ZFR2: variants seen among roughly 807,000 people sequenced by gnomAD.
The protein encoded by ZFR2 is zinc finger RNA-binding protein 2.
Under a neutral mutation model 105.7 loss-of-function variants are expected in ZFR2, and 104 were observed. That is an observed-to-expected ratio of 0.98 (90% CI 0.84 to 1.16). ZFR2 has a LOEUF of 1.16. Among genes scored for constraint, ZFR2 ranks in the 50% most tolerant of loss-of-function variants. The probability of loss-of-function intolerance (pLI) is 0.00; values close to 1 mark genes in which losing one functional copy is unlikely to be tolerated. For missense variants in ZFR2, 1,425 were observed against 1,355.5 expected (o/e 1.05, Z -0.80); for synonymous variants, 634 against 597.7 (o/e 1.06, Z -0.89).
At chr19:3,826,325 T>C (rs6510771) in intron 6 of ZFR2, among the ~76,000 whole-genome samples, 125,015 of 151,960 alleles carry the variant, frequency 0.82, 52,053 homozygotes, top group East Asian at 0.98. Flanking sequence ...GCCAGGCCTC[T>C]CAGGGTGGCT....
intron 16 of ZFR2, 89 bp from the exon 17 acceptor site, chr19:3,809,072 GC>G: frequency 2.1e-6 from 2 of 951,144 alleles, no homozygotes; most frequent in Non-Finnish European, 2.9e-6. Flanking sequence ...GGGACAGGAG[GC>G]CCCCCTCAGC....
At chr19:3,821,604 C>CTTTTTTTTTTTTTTTTTT in intron 9 of ZFR2, 125 bp from the exon 10 acceptor site, 1 of 228,858 alleles carries the variant, frequency 4.4e-6, no homozygotes, top group Non-Finnish European at 6.5e-6. Context: ...CTCCCAAAGC[C>CTTTTTTTTTTTTTTTTTT]TTTTTTTTTT....
In ZFR2 at chr19:3,821,377, G is replaced by A. The variant is rs750372666; in HGVS notation, c.1594C>T (p.Arg532Trp). 1.7e-5 allele frequency: 28 copies of A among 1,608,430 alleles called. 1 individual carries two copies. Among genetic ancestry groups the A allele is most frequent in the African/African-American group, 1.5e-4 (11 of 74,766 alleles). ...MRKQRHLAEERLEQLRRWHAE... is the reference protein window; with the variant it reads ...MRKQRHLAEEWLEQLRRWHAE... ...TGCCAGCGCCGCAGCTGCTCCAGCC[G>A]CTCCTCCGCCAGGTGCCGCTGCTTC... The change falls in exon 10 of 19, where the codon CGG becomes TGG. Residue 532 changes from arginine (R) to tryptophan (W), a missense_variant. Physicochemically the swap from Arg to Trp is moderately radical, Grantham distance 101. Transcript: ENST00000262961.
chr19:3,825,611 G>A (rs1236458469), intron 6 of ZFR2, among the ~76,000 whole-genome samples: 3 of 152,148 alleles, frequency 2.0e-5, no homozygotes, highest in East Asian at 1.9e-4. Flanking sequence ...CCTTGCACAC[G>A]TGCTTGTGAC....
At chr19:3,833,615 T>C (rs1245628189) in intron 3 of ZFR2, 49 bp downstream of exon 3, 2 of 1,399,266 alleles carry the variant, frequency 1.4e-6, no homozygotes, top group Non-Finnish European at 1.9e-6. Context: ...TTCCCTGTGC[T>C]GCGGGGAGCG....
rs369485614 is a variant in ZFR2 at position 3,827,461 on chromosome 19, G to A, written c.1035+10C>T. On this transcript the variant is annotated intron_variant, in intron 6 of 18. Transcript: ENST00000262961. The stretch of plus-strand genomic sequence containing the variant: ...CAGGGTGGCAGAGCCTGGGCCGGGC[G>A]GGGCCGTACCTTCTGGTGCTTGGAT... The A allele has an allele frequency of 5.2e-4, 799 of 1,530,862 alleles. 5 individuals are homozygous for A. In the African/African-American group the frequency reaches 0.01, roughly 19 times the overall value. The allele number at this position is 1,530,862 out of a possible 1,614,324, so 94.8% of individuals were successfully genotyped here. A position where few individuals can be genotyped will look rare whatever the true frequency, so the allele number is the denominator to read the frequency against.
chr19:3,845,869 T>C (rs2038179905), intron 1 of ZFR2, among the ~76,000 whole-genome samples: 1 of 152,170 alleles, frequency 6.6e-6, no homozygotes, highest in Non-Finnish European at 1.5e-5. Context: ...TCAGAGGTAC[T>C]GAGGGTTAGG....
intron 1 of ZFR2, among the ~76,000 whole-genome samples, chr19:3,864,100 G>C (rs1256143501): frequency 6.6e-6 from 1 of 152,132 alleles, no homozygotes; most frequent in African/African-American, 2.4e-5. Context: ...AATAGTGTCA[G>C]AATCTAATTG....
At chr19:3,846,299 C>T (rs192657334) in intron 1 of ZFR2, among the ~76,000 whole-genome samples, 35 of 152,304 alleles carry the variant, frequency 2.3e-4, no homozygotes, top group African/African-American at 7.7e-4. Context: ...TATTTTTGAT[C>T]GGCAGTTGGT....
intron 18 of ZFR2, 93 bp downstream of exon 18, chr19:3,807,079 A>C (rs994786120): frequency 5.3e-6 from 5 of 950,190 alleles, no homozygotes; most frequent in African/African-American, 3.3e-5. Flanking sequence ...GAGGGAGAGA[A>C]GGGGAAACCC....
At chr19:3,863,097 G>C (rs2038390761) in intron 1 of ZFR2, among the ~76,000 whole-genome samples, 1 of 152,230 alleles carries the variant, frequency 6.6e-6, no homozygotes, top group African/African-American at 2.4e-5. Flanking sequence ...GGACGGGGTT[G>C]GCCTTGGTGG....
At chr19:3,812,296 T>G (rs566174112) in intron 14 of ZFR2, among the ~76,000 whole-genome samples, 76 of 152,148 alleles carry the variant, frequency 5.0e-4, no homozygotes, top group African/African-American at 1.8e-3. Flanking sequence ...CCCAGGCTGG[T>G]CTCGAATTTC....
chr19:3,810,896 G>A lies in ZFR2; in HGVS notation c.2338-51C>T, dbSNP rs996805187. On this transcript the variant is annotated intron_variant, in intron 15 of 18. Coordinates refer to ENST00000262961, the MANE Select transcript of ZFR2 (RefSeq NM_015174.2). ...CTTTCAGGGGCTCACGTGGCCACAC[G>A]GCATGGCGCCGGGCTCTGTCGTGAG... is the stretch of plus-strand genomic sequence containing the variant. 54 of 1,535,940 alleles carry A rather than the reference G, an allele frequency of 3.5e-5. No homozygotes were observed. The South Asian group carries it at 3.6e-4, about 10-fold the overall frequency.
chr19:3,815,605 G>C (rs1289995726), intron 13 of ZFR2, among the ~76,000 whole-genome samples: 1 of 152,120 alleles, frequency 6.6e-6, no homozygotes, highest in African/African-American at 2.4e-5. Flanking sequence ...TTTCTTTTGA[G>C]ACTGAGTTTT....
At chr19:3,847,838 G>A (rs2038198637) in intron 1 of ZFR2, among the ~76,000 whole-genome samples, 1 of 152,194 alleles carries the variant, frequency 6.6e-6, no homozygotes, top group East Asian at 1.9e-4. Flanking sequence ...AAAGAGGCCG[G>A]GAGAGCTGAT....
rs146344941 is a variant in ZFR2 at position 3,833,562 on chromosome 19, C to T, written c.379+102G>A. ...CTGCACTCCAGCCTGGGCAACAGAG[C>T]GAGACTCTGTCTAAAAAAAAAAAAA... On this transcript the variant is annotated intron_variant, in intron 3 of 18. Coordinates refer to ENST00000262961, the MANE Select transcript of ZFR2 (RefSeq NM_015174.2). 2.7e-3 allele frequency: 2,491 copies of T among 927,366 alleles called. 37 individuals carry two copies. In the African/African-American group the frequency reaches 0.04, roughly 15 times the overall value. 57.4% of individuals were successfully genotyped at this position (927,366 alleles called of 1,614,324 possible). A position where few individuals can be genotyped will look rare whatever the true frequency, so the allele number is the denominator to read the frequency against.
intron 3 of ZFR2, among the ~76,000 whole-genome samples, chr19:3,832,629 T>C (rs965805986): frequency 2.0e-5 from 2 of 102,008 alleles, no homozygotes; most frequent in African/African-American, 6.2e-5. Context: ...CTTTATTTTG[T>C]TTTTTTTTTT....
chr19:3,863,352 G>A (rs961434435), intron 1 of ZFR2, among the ~76,000 whole-genome samples: 1 of 152,168 alleles, frequency 6.6e-6, no homozygotes, highest in Non-Finnish European at 1.5e-5. Flanking sequence ...AGAGATACGG[G>A]TTGGGTCACC....
intron 1 of ZFR2, among the ~76,000 whole-genome samples, chr19:3,865,052 G>A (rs1001300763): frequency 2.6e-5 from 4 of 151,810 alleles, no homozygotes; most frequent in African/African-American, 7.3e-5. Context: ...CCCGGCCTGC[G>A]CTCAGTGCTA....
Sources: allele counts gnomAD v4.1 joint callset (sites outside exome capture counted in the v4.1 genomes callset), GRCh38; gene constraint gnomAD v4.1.1; transcripts MANE v1.5; gene names NCBI Gene and HGNC (gene_info 2026-07-23, HGNC 2026-07-21).